KDM6A: variants seen among roughly 807,000 people sequenced by gnomAD.
KDM6A encodes lysine-specific demethylase 6A.
KDM6A carries 11 observed loss-of-function variants against 117.6 expected under a neutral mutation model. The observed-to-expected ratio is 0.09, with a 90% CI of 0.06 to 0.15. The LOEUF (loss-of-function observed/expected upper bound fraction) is 0.15, where lower values mean the gene tolerates loss of function less well. KDM6A is among the 10% of genes least tolerant of loss of function. The pLI, the probability that KDM6A is intolerant of heterozygous loss-of-function variation, is 1.00. For synonymous variants in KDM6A, 384 were observed against 396.1 expected, an observed-to-expected ratio of 0.97 and a Z score of 0.36; for missense variants, 799 against 1,077.3, an observed-to-expected ratio of 0.74 and a Z score of 3.62.
intron 2 of KDM6A, among the ~76,000 whole-genome samples, chrX:44,883,970 C>T (rs1006014718): frequency 2.8e-5 from 3 of 108,483 alleles, no homozygotes; most frequent in Non-Finnish European, 5.7e-5. Flanking sequence ...GGTGTGGTGG[C>T]GCATGCCTGT....
intron 7 of KDM6A, among the ~76,000 whole-genome samples, chrX:45,036,031 A>G (rs1279595276): frequency 8.9e-6 from 1 of 112,297 alleles, no homozygotes; most frequent in Non-Finnish European, 1.9e-5. Context: ...TATAAGAAAA[A>G]TCGAGCAATT....
intron 8 of KDM6A, among the ~76,000 whole-genome samples, chrX:45,050,327 C>T (rs896019244): frequency 2.7e-5 from 3 of 112,216 alleles, no homozygotes; most frequent in Non-Finnish European, 3.8e-5. Flanking sequence ...GCAACAAGGG[C>T]GACACTCCGT....
chrX:44,951,732 T>G (rs1460644554), intron 2 of KDM6A, among the ~76,000 whole-genome samples: 1 of 110,222 alleles, frequency 9.1e-6, no homozygotes, highest in Non-Finnish European at 1.9e-5. Context: ...AAAAGCTGAT[T>G]ATGGAGAGGG....
chrX:44,920,857 C>CT (rs1304489487), intron 2 of KDM6A, among the ~76,000 whole-genome samples: 1 of 103,243 alleles, frequency 9.7e-6, no homozygotes, highest in African/African-American at 3.5e-5. Flanking sequence ...TTAATTTTTT[C>CT]TTTTTTTTCT....
At chrX:44,993,757 T>G (rs901156664) in intron 4 of KDM6A, among the ~76,000 whole-genome samples, 1 of 111,492 alleles carries the variant, frequency 9.0e-6, no homozygotes, top group African/African-American at 3.3e-5. Flanking sequence ...TCTCAGCTAC[T>G]TAGGAGACTG....
At chrX:45,040,231 T>C (rs1193764177) in intron 8 of KDM6A, among the ~76,000 whole-genome samples, 3 of 92,402 alleles carry the variant, frequency 3.2e-5, no homozygotes, top group South Asian at 1.2e-3. Flanking sequence ...GAGGCGCCCC[T>C]CACCTCCTGG....
chrX:44,944,313 T>C (rs1309102096), intron 2 of KDM6A, among the ~76,000 whole-genome samples: 2 of 111,542 alleles, frequency 1.8e-5, no homozygotes, highest in Non-Finnish European at 3.8e-5. Flanking sequence ...AGTTGCCCCA[T>C]TGCACTCCAG....
At chrX:45,061,591 A>C (rs903731657) in intron 15 of KDM6A, among the ~76,000 whole-genome samples, 172 bp downstream of exon 15, 2 of 103,437 alleles carry the variant, frequency 1.9e-5, no homozygotes, top group Non-Finnish European at 3.9e-5. Flanking sequence ...TCCTGTGTTA[A>C]AGTTATTCTT....
chrX:44,967,432 A>G lies in KDM6A; in HGVS notation c.334+6040A>G, dbSNP rs182014583. 3.9e-3 allele frequency among the ~76,000 whole-genome samples: 435 copies of G among 111,716 alleles called. 1 individual carries two copies. The highest frequency in any genetic ancestry group is 6.8e-3 in the Non-Finnish European group (363 of 53,164). On this transcript the variant is annotated intron_variant, in intron 3 of 29. Coordinates refer to ENST00000611820, the MANE Select transcript of KDM6A (RefSeq NM_001291415.2). ...AACCATAACTTCCTGGGAGTAAACCATGTAGTAAATGTGTAATTCTGTGAG... is the reference window on the plus strand; with the variant it reads ...AACCATAACTTCCTGGGAGTAAACCGTGTAGTAAATGTGTAATTCTGTGAG...
At chrX:45,084,698 C>G (rs1041476316) in intron 24 of KDM6A, among the ~76,000 whole-genome samples, 2 of 111,111 alleles carry the variant, frequency 1.8e-5, no homozygotes, top group African/African-American at 6.6e-5. Flanking sequence ...TCATAGCTCT[C>G]TGTAACCTTG....
Position 45,111,717 on chromosome X carries a change from A to G in KDM6A, c.*306A>G, listed in dbSNP as rs759088073. ...AAGACAACCTCTTTTATATTTCTCT[A>G]TTTCTGGGCTGATGAATTTGTTTTC... is the stretch of plus-strand genomic sequence containing the variant. On this transcript the variant is annotated 3_prime_UTR_variant, in exon 30 of 30. Coordinates refer to ENST00000611820, the MANE Select transcript of KDM6A (RefSeq NM_001291415.2). 7 of 236,213 alleles carry G rather than the reference A, an allele frequency of 3.0e-5. No homozygotes were observed. Among genetic ancestry groups the G allele is most frequent in the Non-Finnish European group, 4.5e-5 (6 of 132,352 alleles). The allele number at this position is 236,213 out of a possible 1,213,427, so 19.5% of individuals were successfully genotyped here. A position where few individuals can be genotyped will look rare whatever the true frequency, so the allele number is the denominator to read the frequency against.
At chrX:44,899,684 C>G (rs1179221578) in intron 2 of KDM6A, among the ~76,000 whole-genome samples, 1 of 111,077 alleles carries the variant, frequency 9.0e-6, no homozygotes, top group Non-Finnish European at 1.9e-5. Flanking sequence ...AGGAAATCTG[C>G]TGCTTTCTTT....
In KDM6A at chrX:45,070,283, A is replaced by T. The variant is rs2148056391; in HGVS notation, c.2784A>T (p.Lys928Asn). The T allele has an allele frequency of 8.3e-7, 1 of 1,210,003 alleles. No homozygotes were observed. Among genetic ancestry groups the T allele is most frequent in the Non-Finnish European group, 1.1e-6 (1 of 894,236 alleles). The stretch of plus-strand genomic sequence containing the variant: ...CAGATCTGCTTCTGGTTAACCACAA[A>T]CCTAGTCCACAGATCATACCATCAA... ...MKTDLLLVNH[K>N]PSPQIIPSMS... Residue 928 changes from lysine (K) to asparagine (N), a missense_variant, in exon 18 of 30, where the codon AAA becomes AAT. Transcript: ENST00000611820.
chrX:44,904,913 C>T (rs971192202), intron 2 of KDM6A, among the ~76,000 whole-genome samples: 1 of 112,060 alleles, frequency 8.9e-6, no homozygotes, highest in Non-Finnish European at 1.9e-5. Flanking sequence ...GCCTTTGATT[C>T]GTTTCCAGAG....
chrX:45,068,786 T>TTCTTTCTTTCTCTTTC (rs2044668193), intron 17 of KDM6A, among the ~76,000 whole-genome samples: 2 of 85,441 alleles, frequency 2.3e-5, no homozygotes, highest in African/African-American at 9.2e-5. Context: ...CTCCTCTCTC[T>TTCTTTCTTTCTCTTTC]TCTTTCTCTT....
rs866237224 is a variant in KDM6A, at chrX:44,961,536, A to G, written c.334+144A>G. ...AGGAAGAAAAGTAGAGTAGATGGAAATGGAAATCATCAATAAGTTGGCTAT... is the reference window on the plus strand; with the variant it reads ...AGGAAGAAAAGTAGAGTAGATGGAAGTGGAAATCATCAATAAGTTGGCTAT... On this transcript the variant is annotated intron_variant, in intron 3 of 29. Transcript: ENST00000611820. 1.1e-5 allele frequency: 5 copies of G among 439,427 alleles called. No homozygotes were observed. In the Middle Eastern group the frequency reaches 1.7e-3, roughly 153 times the overall value. The allele number at this position is 439,427 out of a possible 1,213,427, so 36.2% of individuals were successfully genotyped here. A position where few individuals can be genotyped will look rare whatever the true frequency, so the allele number is the denominator to read the frequency against.
At chrX:44,981,475 G>A (rs1241787664) in intron 4 of KDM6A, among the ~76,000 whole-genome samples, 1 of 111,744 alleles carries the variant, frequency 8.9e-6, no homozygotes, top group Non-Finnish European at 1.9e-5. Context: ...AGGGACTTCC[G>A]CTTGTGCAGC....
chrX:44,995,000 T>G (rs978458794), intron 4 of KDM6A, among the ~76,000 whole-genome samples: 1 of 112,084 alleles, frequency 8.9e-6, no homozygotes, highest in African/African-American at 3.2e-5. Context: ...GGAAAGAAAT[T>G]TAGAACTCAT....
chrX:45,104,577 C>T (rs938884352), intron 27 of KDM6A, among the ~76,000 whole-genome samples: 2 of 111,708 alleles, frequency 1.8e-5, no homozygotes, highest in Non-Finnish European at 3.8e-5. Flanking sequence ...TTTCCCTATC[C>T]TTCAATTGAA....
Sources: allele counts gnomAD v4.1 joint callset (sites outside exome capture counted in the v4.1 genomes callset), GRCh38; gene constraint gnomAD v4.1.1; transcripts MANE v1.5; gene names NCBI Gene and HGNC (gene_info 2026-07-23, HGNC 2026-07-21).